The following ATXN7L1 variants were observed in gnomAD, a reference collection of about 807,000 sequenced individuals.
The protein encoded by ATXN7L1 is ataxin-7-like protein 1.
ATXN7L1 carries 15 observed loss-of-function variants against 70.8 expected under a neutral mutation model. The observed-to-expected ratio is 0.21, with a 90% CI of 0.14 to 0.33. ATXN7L1 has a LOEUF of 0.33. Ranked by LOEUF, ATXN7L1 falls within the 10% of genes least tolerant of loss-of-function variation. The probability of loss-of-function intolerance (pLI) is 1.00; values close to 1 mark genes in which losing one functional copy is unlikely to be tolerated. For missense variants in ATXN7L1, 975 were observed against 1,097.1 expected, an observed-to-expected ratio of 0.89 and a Z score of 1.57; for synonymous variants, 440 against 445.1, an observed-to-expected ratio of 0.99 and a Z score of 0.14.
At chr7:105,839,662 G>A (rs979486374) in intron 2 of ATXN7L1, among the ~76,000 whole-genome samples, 1 of 152,198 alleles carries the variant, frequency 6.6e-6, no homozygotes, top group Non-Finnish European at 1.5e-5. Flanking sequence ...GACAGCCTTA[G>A]GTCCAGCCTC....
intron 3 of ATXN7L1, among the ~76,000 whole-genome samples, chr7:105,688,619 A>G (rs985829754): frequency 6.6e-6 from 1 of 151,934 alleles, no homozygotes; most frequent in Admixed American, 6.6e-5. Context: ...TCTCTACCTT[A>G]TGCCCTGGCG....
intron 2 of ATXN7L1, among the ~76,000 whole-genome samples, chr7:105,827,979 A>C (rs1195914173): frequency 2.0e-5 from 3 of 152,210 alleles, no homozygotes; most frequent in Non-Finnish European, 2.9e-5. Context: ...TTGATGCCAA[A>C]TGAGTGTGCC....
rs912494784 is a variant in ATXN7L1 at position 105,834,738 on chromosome 7, A to G, written c.250+41074T>C. Among the ~76,000 whole-genome samples the G allele has an allele frequency of 3.3e-5, 5 of 152,316 alleles. No individual in the cohort carries two copies. The South Asian group carries it at 8.3e-4, about 25-fold the overall frequency. On this transcript the variant is annotated intron_variant, in intron 2 of 11. Transcript: ENST00000419735. Reference sequence around the variant, plus strand: ...ACTGCCACACACACTGTAGGCTTGCAGAAAAACAACTTCAATAACGTTCAG... The same window carrying G: ...ACTGCCACACACACTGTAGGCTTGCGGAAAAACAACTTCAATAACGTTCAG...
At chr7:105,651,190 C>T (rs928860985) in intron 4 of ATXN7L1, among the ~76,000 whole-genome samples, 1 of 152,214 alleles carries the variant, frequency 6.6e-6, no homozygotes, top group Admixed American at 6.5e-5. Flanking sequence ...AAAGCCCACA[C>T]AAACATATGT....
intron 3 of ATXN7L1, among the ~76,000 whole-genome samples, chr7:105,782,633 CT>C (rs1225826751): frequency 6.6e-6 from 1 of 152,220 alleles, no homozygotes; most frequent in East Asian, 1.9e-4. Context: ...CATGTCACCC[CT>C]GTAGGACGCT....
chr7:105,828,785 A>G (rs529404086), intron 2 of ATXN7L1, among the ~76,000 whole-genome samples: 154 of 152,298 alleles, frequency 1.0e-3, no homozygotes, highest in African/African-American at 3.4e-3. Context: ...GGTGGGAGAA[A>G]AAGTACAGGG....
chr7:105,694,755 TA>T (rs1393587929), intron 3 of ATXN7L1, among the ~76,000 whole-genome samples: 3 of 152,220 alleles, frequency 2.0e-5, no homozygotes, highest in African/African-American at 7.2e-5. Flanking sequence ...CAAACAGCCC[TA>T]GGTCTTCCAA....
At chr7:105,849,280 A>G (rs1814525389) in intron 2 of ATXN7L1, among the ~76,000 whole-genome samples, 1 of 152,140 alleles carries the variant, frequency 6.6e-6, no homozygotes, top group Non-Finnish European at 1.5e-5. Flanking sequence ...TGACAACACC[A>G]CAACTGCCCA....
intron 2 of ATXN7L1, among the ~76,000 whole-genome samples, chr7:105,815,345 T>C (rs536665857): frequency 5.3e-4 from 80 of 152,328 alleles, no homozygotes; most frequent in African/African-American, 1.8e-3. Flanking sequence ...TTGTGTGATT[T>C]TGAAACCCCT....
chr7:105,664,227 G>A (rs542355794), intron 4 of ATXN7L1, among the ~76,000 whole-genome samples: 2 of 152,002 alleles, frequency 1.3e-5, no homozygotes, highest in South Asian at 2.1e-4. Flanking sequence ...GGGTAGGGCC[G>A]TGGTCTTGCT....
chr7:105,675,631 A>AT (rs1211448749), intron 3 of ATXN7L1, among the ~76,000 whole-genome samples: 4 of 152,134 alleles, frequency 2.6e-5, no homozygotes, highest in African/African-American at 4.8e-5. Flanking sequence ...CTCAAAAAAA[A>AT]GAAAAAAAAA....
chr7:105,805,297 C>T (rs940602901), intron 2 of ATXN7L1, among the ~76,000 whole-genome samples: 1 of 152,138 alleles, frequency 6.6e-6, no homozygotes, highest in African/African-American at 2.4e-5. Context: ...CTTGCCAGGG[C>T]CCTTAGTGCT....
chr7:105,622,987 G>A (rs769192953), intron 8 of ATXN7L1, among the ~76,000 whole-genome samples: 4 of 152,174 alleles, frequency 2.6e-5, no homozygotes, highest in Non-Finnish European at 5.9e-5. Context: ...GCCTCTACAC[G>A]CCCTGCTACG....
intron 2 of ATXN7L1, among the ~76,000 whole-genome samples, chr7:105,810,635 G>A (rs1212327858): frequency 6.6e-6 from 1 of 152,218 alleles, no homozygotes; most frequent in African/African-American, 2.4e-5. Flanking sequence ...AAGGTCCAGA[G>A]AAGGGGAGAG....
rs186992110 is a variant in ATXN7L1 at position 105,641,169 on chromosome 7, C to A, written c.863-1600G>T. Among the ~76,000 whole-genome samples, 38 of 144,728 alleles carry A rather than the reference C, an allele frequency of 2.6e-4. No homozygotes were observed. In the East Asian group the frequency reaches 6.1e-3, roughly 23 times the overall value. The allele number at this position is 144,728 out of a possible 152,430, so 94.9% of individuals were successfully genotyped here. The stretch of plus-strand genomic sequence containing the variant: ...TGGCTGGTTACCAAAATGCCTCCCC[C>A]CTTTTTTTGCTTTTTGTCTGCCTTT... On this transcript the variant is annotated intron_variant, in intron 5 of 11. Coordinates refer to ENST00000419735, the MANE Select transcript of ATXN7L1 (RefSeq NM_020725.2).
At chr7:105,691,051 G>C (rs1790739187) in intron 3 of ATXN7L1, among the ~76,000 whole-genome samples, 1 of 152,148 alleles carries the variant, frequency 6.6e-6, no homozygotes, top group Non-Finnish European at 1.5e-5. Context: ...GACAAACTAA[G>C]GTCCAGTAAC....
At chr7:105,864,990 T>G (rs561488197) in intron 2 of ATXN7L1, among the ~76,000 whole-genome samples, 1 of 152,264 alleles carries the variant, frequency 6.6e-6, no homozygotes, top group Admixed American at 6.5e-5. Context: ...CCCTTTGTCT[T>G]TATTCGGGGC....
At chr7:105,713,456 G>A (rs35984964) in intron 3 of ATXN7L1, among the ~76,000 whole-genome samples, 13,407 of 152,310 alleles carry the variant, frequency 0.088, 709 homozygotes, top group Non-Finnish European at 0.12. Flanking sequence ...AATGTGGGTG[G>A]AGTGGCCCAG....
chr7:105,662,078 CCTT>C (rs1329902182), intron 4 of ATXN7L1, among the ~76,000 whole-genome samples: 4 of 85,964 alleles, frequency 4.7e-5, no homozygotes, highest in African/African-American at 1.1e-4. Flanking sequence ...TTCCTTCCTT[CCTT>C]CTTTCTTTTC....
Sources: gnomAD v4.1 joint callset for allele counts (sites outside exome capture counted in the v4.1 genomes callset) on GRCh38, gnomAD v4.1.1 for gene constraint, MANE v1.5 for transcripts, NCBI Gene and HGNC (gene_info 2026-07-23, HGNC 2026-07-21) for gene names.